NDC80: variants seen among roughly 807,000 people sequenced by gnomAD.
NDC80 encodes NDC80 kinetochore complex component, also known as kinetochore protein NDC80 homolog.
A neutral mutation model predicts 89.3 loss-of-function variants in NDC80; 69 were observed. The ratio of observed to expected loss-of-function variants is 0.77; its 90% CI spans 0.64 to 0.94. The LOEUF is 0.94. NDC80 is among the 40% of genes least tolerant of loss of function. The pLI is 0.00. For synonymous variants in NDC80, 243 were observed against 255.6 expected, an observed-to-expected ratio of 0.95 and a Z score of 0.47; for missense variants, 593 against 739.6, an observed-to-expected ratio of 0.80 and a Z score of 2.30.
In NDC80 at chr18:2,599,182, A is replaced by G; in HGVS notation, c.1374+11A>G. 1 of 1,591,904 alleles carries G rather than the reference A, an allele frequency of 6.3e-7. No individual in the cohort carries two copies. ...AGGGCTCAAGTTTATGTAAGTAATC[A>G]TGACTACTTTTAAGATTTTTTTAAT... On this transcript the variant is annotated intron_variant, in intron 12 of 16. Coordinates refer to ENST00000261597, the MANE Select transcript of NDC80 (RefSeq NM_006101.3).
At position 2,587,849 on chromosome 18, in the gene NDC80, T is replaced by TA. The variant is rs1568000624; in HGVS notation, c.693dup (p.Cys232MetfsTer3). 3.1e-6 allele frequency: 5 copies of TA among 1,613,538 alleles called. No individual in the cohort carries two copies. The highest frequency in any genetic ancestry group is 3.4e-6 in the Non-Finnish European group (4 of 1,179,546). ...CCATAGTTGTTTTTGGACTACACCA[T>TA]AAAATGCTATGAGAGTTTTATGAGT... On this transcript the variant is annotated frameshift_variant, in exon 8 of 17. Coordinates refer to ENST00000261597, the MANE Select transcript of NDC80 (RefSeq NM_006101.3). LOFTEE classifies it high-confidence loss of function.
At chr18:2,585,451 G>A (rs368411920) in intron 7 of NDC80, among the ~76,000 whole-genome samples, 5 of 152,196 alleles carry the variant, frequency 3.3e-5, no homozygotes, top group East Asian at 1.9e-4. Context: ...AACACAAAGC[G>A]TATTTTATAA....
intron 13 of NDC80, among the ~76,000 whole-genome samples, chr18:2,605,299 T>G (rs865974391): frequency 6.8e-6 from 1 of 146,188 alleles, no homozygotes; most frequent in African/African-American, 2.7e-5. Context: ...TGTGTGTGTG[T>G]GTGTGTGTGT....
rs1037931343 is a variant in NDC80, at chr18:2,593,954, G to A, written c.1016-1462G>A. ...GTCTCACTCTGTCTCCCAGGCTGGC[G>A]TGCAGTGGTGCGATCTCGGCTCACA... On this transcript the variant is annotated intron_variant, in intron 10 of 16. Transcript: ENST00000261597. 7 of 182,642 alleles carry A rather than the reference G, an allele frequency of 3.8e-5. 1 individual carries two copies. Among genetic ancestry groups the A allele is most frequent in the South Asian group, 3.3e-4 (3 of 9,176 alleles). The allele number at this position is 182,642 out of a possible 1,614,324, so 11.3% of individuals were successfully genotyped here. A position where few individuals can be genotyped will look rare whatever the true frequency, so the allele number is the denominator to read the frequency against.
rs1037163917 is a variant in NDC80 at position 2,590,099 on chromosome 18, G to A, written c.952G>A (p.Glu318Lys). 1 of 1,612,288 alleles carries A rather than the reference G, an allele frequency of 6.2e-7. No individual in the cohort carries two copies. The highest frequency in any genetic ancestry group is 1.3e-5 in the African/African-American group (1 of 74,852). Reference sequence around the variant, plus strand: ...GTATCAGGCATACATGAGCAATTTGGAGTCTCATTCAGCCATTCTTGACCA... The same window carrying A: ...GTATCAGGCATACATGAGCAATTTGAAGTCTCATTCAGCCATTCTTGACCA... ...QKYQAYMSNL[E>K]SHSAILDQKL... Residue 318 changes from glutamate to lysine, a missense_variant, in exon 10 of 17, where the codon GAG becomes AAG. By Grantham distance (56) the Glu-to-Lys change is moderately conservative. Transcript: ENST00000261597.
chr18:2,580,471 G>A (rs927701304), intron 6 of NDC80, among the ~76,000 whole-genome samples: 34 of 151,762 alleles, frequency 2.2e-4, no homozygotes, highest in African/African-American at 8.0e-4. Context: ...AGCTAATACT[G>A]TTCCCCTGAC....
chr18:2,578,463 A>T (rs1454699825), intron 5 of NDC80, among the ~76,000 whole-genome samples: 1 of 152,230 alleles, frequency 6.6e-6, no homozygotes, highest in Non-Finnish European at 1.5e-5. Context: ...CAGAAGACAG[A>T]ATATAAAGCC....
At chr18:2,593,738 G>T in intron 10 of NDC80, 1 of 231,476 alleles carries the variant, frequency 4.3e-6, no homozygotes. Context: ...TCATATACCA[G>T]TATATCCTGG....
intron 16 of NDC80, among the ~76,000 whole-genome samples, chr18:2,613,065 C>T (rs1006078591): frequency 6.6e-6 from 1 of 152,204 alleles, no homozygotes; most frequent in Non-Finnish European, 1.5e-5. Context: ...TTGAGCAGTT[C>T]CTGGTTGGAG....
intron 14 of NDC80, 50 bp downstream of exon 14, chr18:2,606,557 T>C (rs746223955): frequency 3.4e-6 from 4 of 1,187,648 alleles, no homozygotes; most frequent in Non-Finnish European, 4.9e-6. Context: ...TATGTCATGA[T>C]TGCTTGATGA....
At chr18:2,574,931 G>A in intron 2 of NDC80, 58 bp from the exon 3 acceptor site, 2 of 1,114,648 alleles carry the variant, frequency 1.8e-6, no homozygotes, top group Non-Finnish European at 2.6e-6. Context: ...ATTTCTAAAA[G>A]TTTCTTGAGC....
chr18:2,605,270 ATGTATGTG>A (rs2072704479), intron 13 of NDC80, among the ~76,000 whole-genome samples: 38 of 98,206 alleles, frequency 3.9e-4, no homozygotes, highest in African/African-American at 1.2e-3. Flanking sequence ...GGCGGGCTAT[ATGTATGTG>A]TGTGTGTGTG....
In NDC80 at chr18:2,578,001, G is replaced by A. The variant is rs775729441; in HGVS notation, c.336G>A (p.Val112=). The change falls in exon 5 of 17, where the codon GTG becomes GTA. Residue 112 remains valine (V), a synonymous_variant. Transcript: ENST00000261597. ...CAGAAAATGGTTATGCACATAATGT[G>A]TCCATGAAATCTCTACAAGCTCCCT... ...FLTENGYAHN[V]SMKSLQAPSV... The A allele has an allele frequency of 1.9e-6, 3 of 1,613,930 alleles. No homozygotes were observed. The highest frequency in any genetic ancestry group is 3.3e-5 in the Admixed American group (2 of 59,976).
chr18:2,592,360 T>TG (rs2072631998), intron 10 of NDC80, among the ~76,000 whole-genome samples: 1 of 148,800 alleles, frequency 6.7e-6, no homozygotes. Flanking sequence ...TTTATTTTGT[T>TG]TTTTTTTTTT....
rs191920915 is a variant in NDC80, at chr18:2,588,898, A to G, written c.764-306A>G. Among the ~76,000 whole-genome samples the G allele has an allele frequency of 1.3e-4, 20 of 152,300 alleles. No individual in the cohort carries two copies. The East Asian group carries it at 3.9e-3, about 29-fold the overall frequency. The stretch of plus-strand genomic sequence containing the variant: ...AGGCACTGAGGATACAGTAATGAAT[A>G]GGATAAAAACCTCTGCCCTTATGAG... On this transcript the variant is annotated intron_variant, in intron 8 of 16. Transcript: ENST00000261597.
chr18:2,600,506 G>A (rs555540381), intron 12 of NDC80, among the ~76,000 whole-genome samples: 3 of 152,150 alleles, frequency 2.0e-5, no homozygotes, highest in African/African-American at 4.8e-5. Context: ...CTACTCGGGA[G>A]GCTGAGGCAG....
At position 2,589,497 on chromosome 18, in the gene NDC80, G is replaced by A. The variant is rs375820014; in HGVS notation, c.870+187G>A. ...TATCTGTGGAGCCTTGTTTTCCCTT[G>A]CGGTCTATCAGTCTTAGACTAATGG... is the stretch of plus-strand genomic sequence containing the variant. On this transcript the variant is annotated intron_variant, in intron 9 of 16. Coordinates refer to ENST00000261597, the MANE Select transcript of NDC80 (RefSeq NM_006101.3). 2.0e-5 allele frequency among the ~76,000 whole-genome samples: 3 copies of A among 152,046 alleles called. No homozygotes were observed. In the East Asian group the frequency reaches 5.8e-4, roughly 29 times the overall value.
At chr18:2,605,276 G>A (rs1305597364) in intron 13 of NDC80, among the ~76,000 whole-genome samples, 3 of 10,640 alleles carry the variant, frequency 2.8e-4, no homozygotes, top group African/African-American at 1.0e-3. Context: ...CTATATGTAT[G>A]TGTGTGTGTG....
chr18:2,577,395 T>C (rs972143704), intron 3 of NDC80: 9 of 185,802 alleles, frequency 4.8e-5, no homozygotes, highest in Non-Finnish European at 9.2e-5. Context: ...TTTTGTACTT[T>C]TAGTAGAGAC....
Sources: allele counts gnomAD v4.1 joint callset (sites outside exome capture counted in the v4.1 genomes callset), GRCh38; gene constraint gnomAD v4.1.1; transcripts MANE v1.5; gene names NCBI Gene and HGNC (gene_info 2026-07-23, HGNC 2026-07-21).